The following TOP2B variants were observed in gnomAD, a reference collection of about 807,000 sequenced individuals.
TOP2B encodes DNA topoisomerase II beta.
TOP2B carries 51 observed loss-of-function variants against 193.5 expected under a neutral mutation model. The ratio of observed to expected loss-of-function variants is 0.26; its 90% confidence interval spans 0.21 to 0.33. TOP2B has a LOEUF of 0.33. TOP2B is among the 10% of genes least tolerant of loss of function. TOP2B has a pLI of 1.00. For synonymous variants in TOP2B, 634 were observed against 635.7 expected, an observed-to-expected ratio of 1.00 and a Z score of 0.04; for missense variants, 1,378 against 1,909.3, an observed-to-expected ratio of 0.72 and a Z score of 5.19.
chr3:25,654,497 G>C (rs909643334), intron 1 of TOP2B, among the ~76,000 whole-genome samples: 1 of 152,068 alleles, frequency 6.6e-6, no homozygotes, highest in Non-Finnish European at 1.5e-5. Context: ...TTGTTAAAAT[G>C]TCCAAACTAT....
At position 25,598,250 on chromosome 3, in the gene TOP2B, GAAGACAAA is replaced by G. The variant is rs1701972729; in HGVS notation, c.*49_*56del. ...CAGATGTACAAAAGTCTGAGACAGAGAAGACAAAAGGACAACACAAGATATTTGTTGAA... is the reference window on the plus strand; with the variant it reads ...CAGATGTACAAAAGTCTGAGACAGAGAGGACAACACAAGATATTTGTTGAA... On this transcript the variant is annotated 3_prime_UTR_variant, in exon 36 of 36. Transcript: ENST00000264331. 2 of 1,511,126 alleles carry G rather than the reference GAAGACAAA, an allele frequency of 1.3e-6. No homozygotes were observed. Among genetic ancestry groups the G allele is most frequent in the Non-Finnish European group, 1.8e-6 (2 of 1,118,676 alleles). 93.6% of individuals were successfully genotyped at this position (1,511,126 alleles called of 1,614,324 possible). A position where few individuals can be genotyped will look rare whatever the true frequency, so the allele number is the denominator to read the frequency against.
intron 18 of TOP2B, chr3:25,625,140 C>T (rs1377951090): frequency 5.9e-6 from 1 of 168,090 alleles, no homozygotes; most frequent in Admixed American, 6.2e-5. Flanking sequence ...AACCAAAACG[C>T]CATTTGTAGC....
Position 25,612,724 on chromosome 3 carries a change from T to C in TOP2B, c.3592-15A>G. ...GATTCCACTTTCTAAAGTATAATCATAAGGCAGAAGGAACATAAACAACTT... is the reference window on the plus strand; with the variant it reads ...GATTCCACTTTCTAAAGTATAATCACAAGGCAGAAGGAACATAAACAACTT... On this transcript the variant is annotated splice_polypyrimidine_tract_variant and intron_variant, in intron 27 of 35. Coordinates refer to ENST00000264331, the MANE Select transcript of TOP2B (RefSeq NM_001330700.2). 6.2e-7 allele frequency: 1 copy of C among 1,605,576 alleles called. No homozygotes were observed. Among genetic ancestry groups the C allele is most frequent in the Non-Finnish European group, 8.5e-7 (1 of 1,173,930 alleles).
intron 4 of TOP2B, among the ~76,000 whole-genome samples, chr3:25,641,151 A>G (rs902254402): frequency 6.6e-6 from 1 of 152,192 alleles, no homozygotes; most frequent in South Asian, 2.1e-4. Context: ...ATCTTATTGC[A>G]TTAATGTGGC....
chr3:25,608,537 A>G (rs547709788), intron 30 of TOP2B, among the ~76,000 whole-genome samples: 1 of 152,342 alleles, frequency 6.6e-6, no homozygotes, highest in South Asian at 2.1e-4. Context: ...ATAATTAAAA[A>G]TGTACTTCCC....
At chr3:25,619,462 C>T (rs758828971) in intron 23 of TOP2B, among the ~76,000 whole-genome samples, 9 of 152,030 alleles carry the variant, frequency 5.9e-5, no homozygotes, top group Non-Finnish European at 1.3e-4. Flanking sequence ...TTCTACCTTC[C>T]TCCCCAGTTG....
In TOP2B at chr3:25,664,231, C is replaced by G; in HGVS notation, c.67G>C (p.Val23Leu). The change falls in exon 1 of 36, where the codon GTG (valine) becomes CTG (leucine). Residue 23 changes from valine (V) to leucine (L), a missense_variant and splice_region_variant. Val to Leu is a conservative substitution (Grantham distance 32). Transcript: ENST00000264331. ...CGTCCCGGGGACCAGCCACTTACCA[C>G]CCAGGTCAGTGCCCCGTTGCCGCCG... ...VGGGNGALTW[V>L]TLFDQNNAAK... 2.6e-6 allele frequency: 4 copies of G among 1,539,724 alleles called. No individual in the cohort carries two copies. Among genetic ancestry groups the G allele is most frequent in the Non-Finnish European group, 3.5e-6 (4 of 1,146,214 alleles).
intron 23 of TOP2B, 150 bp from the exon 24 acceptor site, chr3:25,618,999 C>CT (rs1179960837): frequency 3.9e-6 from 2 of 513,640 alleles, no homozygotes; most frequent in Non-Finnish European, 6.5e-6. Context: ...TTAAACAGAA[C>CT]TAAGACTATT....
In TOP2B at chr3:25,609,413, T is replaced by G; in HGVS notation, c.3932-69A>C. ...GAAATGTCATTAGTAAAAATAAAAT[T>G]GTTATAATGAAAAGTTCATTACAAA... On this transcript the variant is annotated intron_variant, in intron 29 of 35. Coordinates refer to ENST00000264331, the MANE Select transcript of TOP2B (RefSeq NM_001330700.2). 3 of 1,471,432 alleles carry G rather than the reference T, an allele frequency of 2.0e-6. No homozygotes were observed. In the South Asian group the frequency reaches 4.1e-5, roughly 20 times the overall value. The allele number at this position is 1,471,432 out of a possible 1,614,324, so 91.1% of individuals were successfully genotyped here.
chr3:25,626,185 T>A (rs1418483280), intron 18 of TOP2B, among the ~76,000 whole-genome samples: 1 of 152,144 alleles, frequency 6.6e-6, no homozygotes, highest in Non-Finnish European at 1.5e-5. Context: ...GCATTAGGCT[T>A]TGGGTAATAC....
intron 23 of TOP2B, among the ~76,000 whole-genome samples, chr3:25,619,131 G>A (rs1307278863): frequency 6.6e-6 from 1 of 152,112 alleles, no homozygotes; most frequent in African/African-American, 2.4e-5. Flanking sequence ...GGCTCTTAAA[G>A]TAACCATAAA....
chr3:25,620,175 C>A (rs1163657697), intron 22 of TOP2B, 113 bp from the exon 23 acceptor site: 1 of 698,714 alleles, frequency 1.4e-6, no homozygotes, highest in Non-Finnish European at 2.3e-6. Flanking sequence ...AAAAAGGAAA[C>A]CTCAATCTCT....
chr3:25,645,321 C>G lies in TOP2B; in HGVS notation c.219G>C (p.Gly73=), dbSNP rs766071459. The G allele has an allele frequency of 6.9e-6, 11 of 1,601,642 alleles. No homozygotes were observed. The African/African-American group carries it at 1.3e-4, about 20-fold the overall frequency. The part of the protein sequence containing the change: ...HILLRPDTYI[G]SVEPLTQFMW... The stretch of plus-strand genomic sequence containing the variant: ...TTACCTGCGTCAATGGCTCCACTGA[C>G]CCAATATATGTATCAGGACGAAGAA... The change falls in exon 2 of 36, where the codon GGG becomes GGC. Residue 73 remains glycine (G), a synonymous_variant. Coordinates refer to ENST00000264331, the MANE Select transcript of TOP2B (RefSeq NM_001330700.2).
chr3:25,664,520 T>C lies in TOP2B; in HGVS notation c.-223A>G, dbSNP rs1443654601. On this transcript the variant is annotated 5_prime_UTR_variant, in exon 1 of 36. Transcript: ENST00000264331. ...TCAAACTCGAGGCGCGGCGTCCGCG[T>C]CGCCCGGGCCTAGCGCGGCGGCTGA... 41 of 1,158,414 alleles carry C rather than the reference T, an allele frequency of 3.5e-5. No individual in the cohort carries two copies. The highest frequency in any genetic ancestry group is 4.8e-5 in the Admixed American group (1 of 20,998). 71.8% of individuals were successfully genotyped at this position (1,158,414 alleles called of 1,614,324 possible).
chr3:25,619,093 GAA>G (rs1333408935), intron 23 of TOP2B, among the ~76,000 whole-genome samples: 8 of 151,932 alleles, frequency 5.3e-5, no homozygotes, highest in Non-Finnish European at 1.2e-4. Context: ...GAATAATATT[GAA>G]AGACAAAAAT....
intron 9 of TOP2B, 21 bp downstream of exon 9, chr3:25,632,672 A>AATAT (rs1702994730): frequency 6.2e-7 from 1 of 1,608,232 alleles, no homozygotes; most frequent in Admixed American, 1.7e-5. Flanking sequence ...CATCATGTAC[A>AATAT]ATATATAACA....
At chr3:25,642,480 C>A in intron 3 of TOP2B, 95 bp from the exon 4 acceptor site, 1 of 625,182 alleles carries the variant, frequency 1.6e-6, no homozygotes. Context: ...ATATAAACAT[C>A]TACATATGGT....
At chr3:25,620,641 A>G (rs763758882) in intron 22 of TOP2B, 41 bp downstream of exon 22, 4 of 1,587,590 alleles carry the variant, frequency 2.5e-6, no homozygotes, top group Non-Finnish European at 3.4e-6. Flanking sequence ...ATTGCTTAAT[A>G]CACTGCCCTT....
rs1384634652 is a variant in TOP2B at position 25,598,214 on chromosome 3, T to TTAAAATAAGCCAGATGTA, written c.*75_*92dup. 6 of 1,345,984 alleles carry TTAAAATAAGCCAGATGTA rather than the reference T, an allele frequency of 4.5e-6. No homozygotes were observed. The highest frequency in any genetic ancestry group is 6.1e-6 in the Non-Finnish European group (6 of 988,844). The allele number at this position is 1,345,984 out of a possible 1,614,324, so 83.4% of individuals were successfully genotyped here. A position where few individuals can be genotyped will look rare whatever the true frequency, so the allele number is the denominator to read the frequency against. ...AAAAACCGTCAATTACATCATCACA[T>TTAAAATAAGCCAGATGTA]TAAAATAAGCCAGATGTACAAAAGT... On this transcript the variant is annotated 3_prime_UTR_variant, in exon 36 of 36. Coordinates refer to ENST00000264331, the MANE Select transcript of TOP2B (RefSeq NM_001330700.2).
Sources: gnomAD v4.1 joint callset for allele counts (sites outside exome capture counted in the v4.1 genomes callset) on GRCh38, gnomAD v4.1.1 for gene constraint, MANE v1.5 for transcripts, NCBI Gene and HGNC (gene_info 2026-07-23, HGNC 2026-07-21) for gene names.